The following PCDHGA7 variants were observed in gnomAD, a reference collection of about 807,000 sequenced individuals.
PCDHGA7 encodes the protein protocadherin gamma-A7.
Under a neutral mutation model 58.3 loss-of-function variants are expected in PCDHGA7, and 44 were observed. The ratio of observed to expected loss-of-function variants is 0.75; its 90% CI spans 0.59 to 0.97. The LOEUF (loss-of-function observed/expected upper bound fraction) is 0.97, where lower values mean the gene tolerates loss of function less well. Ranked by LOEUF, PCDHGA7 falls within the 50% of genes least tolerant of loss-of-function variation. PCDHGA7 has a pLI of 0.00. For synonymous variants in PCDHGA7, 516 were observed against 504.2 expected (o/e 1.02, Z -0.31); for missense variants, 1,266 against 1,188.7 (o/e 1.06, Z -0.96).
At chr5:141,386,725 TA>T (rs1200567298) in intron 1 of PCDHGA7, among the ~76,000 whole-genome samples, 3 of 152,182 alleles carry the variant, frequency 2.0e-5, no homozygotes, top group African/African-American at 7.2e-5. Context: ...CCAACAATGT[TA>T]CTGAGGGAAG....
At position 141,414,671 on chromosome 5, in the gene PCDHGA7, C is replaced by A. The variant is rs115280317; in HGVS notation, c.2424+29348C>A. On this transcript the variant is annotated intron_variant, in intron 1 of 3. Coordinates refer to ENST00000518325, the MANE Select transcript of PCDHGA7 (RefSeq NM_018920.4). ...ATTATTTACTCCCTGGCTGAAGACA[C>A]CATCCAGGGGGTACCTCTGTCCTCA... 857 of 1,613,966 alleles carry A rather than the reference C, an allele frequency of 5.3e-4. 9 individuals carry two copies. In the African/African-American group the frequency reaches 0.01, roughly 19 times the overall value.
rs188768340 is a variant in PCDHGA7, at chr5:141,382,953, C to G, written c.54C>G (p.Ile18Met). Residue 18 changes from isoleucine (I) to methionine (M), a missense_variant, in exon 1 of 4, where the codon ATC (isoleucine) becomes ATG (methionine). Transcript: ENST00000518325. ...ACAGAGGATTCTTCCTGCTCTCCAT[C>G]CTCCTGGGGACCCCCTGGGAAGCCT... Reference protein sequence around the residue: ...GDYRGFFLLSILLGTPWEAWA... With the variant: ...GDYRGFFLLSMLLGTPWEAWA... 1,258 of 1,601,498 alleles carry G rather than the reference C, an allele frequency of 7.9e-4. 16 individuals carry two copies. In the African/African-American group the frequency reaches 0.015, roughly 19 times the overall value.
At chr5:141,413,572 A>C in intron 1 of PCDHGA7, 2 of 1,613,890 alleles carry the variant, frequency 1.2e-6, no homozygotes, top group Non-Finnish European at 1.7e-6. Context: ...TATCAATGAC[A>C]ATGCTCCAAA....
intron 1 of PCDHGA7, chr5:141,421,777 CG>C (rs760013586): frequency 1.2e-6 from 2 of 1,613,804 alleles, no homozygotes; most frequent in Admixed American, 3.3e-5. Flanking sequence ...CTTGCAACTG[CG>C]GGGCAGAACG....
At position 141,382,975 on chromosome 5, in the gene PCDHGA7, G is replaced by C. The variant is rs1459980689; in HGVS notation, c.76G>C (p.Ala26Pro). 6.2e-7 allele frequency: 1 copy of C among 1,610,700 alleles called. No individual in the cohort carries two copies. The highest frequency in any genetic ancestry group is 8.5e-7 in the Non-Finnish European group (1 of 1,177,526). The change falls in exon 1 of 4, where the codon GCC becomes CCC. Residue 26 changes from alanine to proline, a missense_variant. Transcript: ENST00000518325. ...LSILLGTPWE[A>P]WAGRILYSVS... The stretch of plus-strand genomic sequence containing the variant: ...CATCCTCCTGGGGACCCCCTGGGAA[G>C]CCTGGGCAGGACGTATTCTCTACTC...
chr5:141,450,823 A>AT (rs1453980247), intron 1 of PCDHGA7, among the ~76,000 whole-genome samples: 4 of 133,078 alleles, frequency 3.0e-5, no homozygotes, highest in African/African-American at 1.2e-4. Context: ...TAATATTATT[A>AT]TTATTATTTT....
At position 141,494,826 on chromosome 5, in the gene PCDHGA7, A is replaced by C; in HGVS notation, c.2444A>C (p.Asp815Ala). The change falls in exon 2 of 4, where the codon GAC becomes GCC. Residue 815 changes from aspartate to alanine, a missense_variant. Asp to Ala is a moderately radical substitution (Grantham distance 126, BLOSUM62 -2). Transcript: ENST00000518325. The part of the protein sequence containing the change: ...PSIQQAPPNT[D>A]WRFSQAQRPG... ...CCACAGCAAGCCCCGCCCAACACGGACTGGCGTTTCTCTCAGGCCCAGAGA... is the reference window on the plus strand; with the variant it reads ...CCACAGCAAGCCCCGCCCAACACGGCCTGGCGTTTCTCTCAGGCCCAGAGA... 4 of 1,613,960 alleles carry C rather than the reference A, an allele frequency of 2.5e-6. No individual in the cohort carries two copies. Among genetic ancestry groups the C allele is most frequent in the Non-Finnish European group, 3.4e-6 (4 of 1,179,976 alleles).
intron 1 of PCDHGA7, chr5:141,423,962 C>A: frequency 1.7e-6 from 2 of 1,168,402 alleles, no homozygotes; most frequent in South Asian, 4.2e-5. Context: ...TATTATTTTT[C>A]TATTATCAGT....
chr5:141,415,400 C>G (rs754292889), intron 1 of PCDHGA7: 3 of 1,614,110 alleles, frequency 1.9e-6, no homozygotes, highest in Non-Finnish European at 2.5e-6. Context: ...GTGTCCGGCT[C>G]GCACTTTGTG....
intron 1 of PCDHGA7, among the ~76,000 whole-genome samples, chr5:141,445,458 A>G (rs1427391084): frequency 6.6e-6 from 1 of 152,248 alleles, no homozygotes; most frequent in Non-Finnish European, 1.5e-5. Flanking sequence ...TGCAGCAATG[A>G]ACAAGGCATA....
chr5:141,496,959 G>C (rs1451127360), intron 2 of PCDHGA7, among the ~76,000 whole-genome samples: 2 of 151,894 alleles, frequency 1.3e-5, no homozygotes, highest in Non-Finnish European at 2.9e-5. Flanking sequence ...GCCAAGGTGG[G>C]TAGATCACTT....
intron 1 of PCDHGA7, chr5:141,397,910 C>G (rs1016162515): frequency 1.3e-5 from 9 of 680,688 alleles, no homozygotes; most frequent in Non-Finnish European, 2.2e-5. Flanking sequence ...GCTTGGCGCT[C>G]CAGATCTCCT....
chr5:141,390,522 G>A, intron 1 of PCDHGA7: 1 of 557,096 alleles, frequency 1.8e-6, no homozygotes, highest in Non-Finnish European at 3.1e-6. Flanking sequence ...AAGCAATGAG[G>A]GTGTGGTTTT....
In PCDHGA7 at chr5:141,384,697, C is replaced by CA. The variant is rs1290309898; in HGVS notation, c.1799dup (p.Asn601GlufsTer10). 1 of 1,614,142 alleles carries CA rather than the reference C, an allele frequency of 6.2e-7. No homozygotes were observed. Among genetic ancestry groups the CA allele is most frequent in the Non-Finnish European group, 8.5e-7 (1 of 1,180,042 alleles). ...GGTGGCGGTGGACAAAGATTCAGGCCAGAACGCCTGGCTGTCATACCTCCT... is the reference window on the plus strand; with the variant it reads ...GGTGGCGGTGGACAAAGATTCAGGCCAAGAACGCCTGGCTGTCATACCTCCT... On this transcript the variant is annotated frameshift_variant, in exon 1 of 4. Transcript: ENST00000518325. LOFTEE classifies it high-confidence loss of function.
At chr5:141,428,320 T>G in intron 1 of PCDHGA7, 2 of 650,176 alleles carry the variant, frequency 3.1e-6, no homozygotes, top group Non-Finnish European at 5.5e-6. Context: ...GGCCTTGGCC[T>G]TGATTTCTAT....
At chr5:141,404,114 G>C (rs2094486353) in intron 1 of PCDHGA7, 4 of 1,613,348 alleles carry the variant, frequency 2.5e-6, no homozygotes, top group Non-Finnish European at 3.4e-6. Context: ...TTCTATCCAG[G>C]AGAATCTATC....
At chr5:141,430,595 G>T (rs549786394) in intron 1 of PCDHGA7, 3 of 567,018 alleles carry the variant, frequency 5.3e-6, no homozygotes, top group African/African-American at 1.9e-5. Context: ...CCTTGCACGC[G>T]CCTGAAGCAC....
At chr5:141,409,876 C>G in intron 1 of PCDHGA7, 1 of 1,612,874 alleles carries the variant, frequency 6.2e-7, no homozygotes, top group East Asian at 2.2e-5. Flanking sequence ...GCAATGACAA[C>G]GCACCGCGGG....
chr5:141,503,671 A>G (rs1028896082), intron 2 of PCDHGA7, among the ~76,000 whole-genome samples: 2 of 151,950 alleles, frequency 1.3e-5, no homozygotes, highest in Non-Finnish European at 2.9e-5. Flanking sequence ...AACTCTTCCC[A>G]CTTTTGGGAA....
Sources: gnomAD v4.1 joint callset for allele counts (sites outside exome capture counted in the v4.1 genomes callset) on GRCh38, gnomAD v4.1.1 for gene constraint, MANE v1.5 for transcripts, NCBI Gene and HGNC (gene_info 2026-07-23, HGNC 2026-07-21) for gene names.